Variants in AUTS2 observed in about 807,000 individuals in gnomAD.
The protein encoded by AUTS2 is activator of transcription and developmental regulator AUTS2, also known as autism susceptibility gene 2 protein.
A neutral mutation model predicts 112.4 loss-of-function variants in AUTS2; 17 were observed. The observed-to-expected ratio is 0.15, with a 90% confidence interval of 0.10 to 0.23. The LOEUF is 0.23. AUTS2 is among the 10% of genes least tolerant of loss of function. AUTS2 has a pLI of 1.00. For missense variants in AUTS2, 1,510 were observed against 1,701.6 expected, an observed-to-expected ratio of 0.89 and a Z score of 1.98; for synonymous variants, 751 against 702.7, an observed-to-expected ratio of 1.07 and a Z score of -1.09.
At chr7:69,710,180 A>G (rs972961423) in intron 1 of AUTS2, among the ~76,000 whole-genome samples, 25 of 152,194 alleles carry the variant, frequency 1.6e-4, no homozygotes, top group Admixed American at 6.5e-4. Context: ...TCTTGTATAT[A>G]CTTTACTTGT....
intron 1 of AUTS2, among the ~76,000 whole-genome samples, chr7:69,817,074 A>G (rs1219282325): frequency 6.6e-6 from 1 of 152,154 alleles, no homozygotes; most frequent in Non-Finnish European, 1.5e-5. Flanking sequence ...GACATAGCAA[A>G]TACTCCATAA....
chr7:70,237,554 C>G (rs1429463640), intron 4 of AUTS2, among the ~76,000 whole-genome samples: 1 of 152,188 alleles, frequency 6.6e-6, no homozygotes, highest in African/African-American at 2.4e-5. Flanking sequence ...GCTAAGCTTT[C>G]TAATACCTTC....
At chr7:70,608,310 G>T (rs1225581140) in intron 5 of AUTS2, among the ~76,000 whole-genome samples, 3 of 151,968 alleles carry the variant, frequency 2.0e-5, no homozygotes, top group African/African-American at 7.3e-5. Context: ...TCACTATGTT[G>T]CCCAGCCTGT....
chr7:70,419,957 A>C (rs1795147961), intron 4 of AUTS2, among the ~76,000 whole-genome samples: 1 of 152,132 alleles, frequency 6.6e-6, no homozygotes. Context: ...TGAGTCTCCA[A>C]GGGCTAGCTA....
chr7:69,995,594 A>G (rs10231798), intron 2 of AUTS2, among the ~76,000 whole-genome samples: 149,850 of 152,272 alleles, frequency 0.98, 73,742 homozygotes, highest in East Asian at 1. Context: ...TACTTTGTGT[A>G]CCCAGCAGTA....
intron 4 of AUTS2, among the ~76,000 whole-genome samples, chr7:70,374,322 G>A (rs971316305): frequency 4.6e-5 from 7 of 152,060 alleles, no homozygotes; most frequent in African/African-American, 9.7e-5. Flanking sequence ...TGAATTTTTT[G>A]CCTTGTGGGG....
intron 5 of AUTS2, among the ~76,000 whole-genome samples, chr7:70,538,849 A>G (rs10268257): frequency 0.066 from 9,975 of 152,236 alleles, 628 homozygotes; most frequent in African/African-American, 0.17. Flanking sequence ...GAACAGTTAT[A>G]TATTCTTTCC....
At chr7:70,050,761 A>C (rs1230289658) in intron 2 of AUTS2, among the ~76,000 whole-genome samples, 1 of 152,158 alleles carries the variant, frequency 6.6e-6, no homozygotes, top group Non-Finnish European at 1.5e-5. Flanking sequence ...TTAGGAGGCC[A>C]AGACGAATGG....
intron 5 of AUTS2, among the ~76,000 whole-genome samples, chr7:70,517,498 T>C (rs1056560827): frequency 1.3e-5 from 2 of 151,208 alleles, no homozygotes; most frequent in African/African-American, 4.9e-5. Flanking sequence ...GTTCAGTGTT[T>C]TGGGGCAAAT....
intron 2 of AUTS2, among the ~76,000 whole-genome samples, chr7:70,078,641 A>G (rs1803152064): frequency 6.6e-6 from 1 of 152,246 alleles, no homozygotes; most frequent in South Asian, 2.1e-4. Flanking sequence ...GAATAAAAGA[A>G]GGGCAAAGGT....
intron 4 of AUTS2, among the ~76,000 whole-genome samples, chr7:70,343,972 C>A (rs1650462335): frequency 6.6e-6 from 1 of 152,058 alleles, no homozygotes; most frequent in Admixed American, 6.6e-5. Flanking sequence ...GAAGCTACAT[C>A]CTCAATTCTG....
chr7:69,599,630 G>T lies in AUTS2; in HGVS notation c.-24G>T. On this transcript the variant is annotated 5_prime_UTR_variant, in exon 1 of 19. Transcript: ENST00000342771. The surrounding 1 kb of genome is among the most constrained non-coding windows in gnomAD (Gnocchi z 7.0). ...GGCCGTAGCCTGTGGCGGGCAAGCGGGGAGACCCCGGCGCAGCAGAACCAT... is the reference window on the plus strand; with the variant it reads ...GGCCGTAGCCTGTGGCGGGCAAGCGTGGAGACCCCGGCGCAGCAGAACCAT... 7.8e-7 allele frequency: 1 copy of T among 1,275,764 alleles called. No homozygotes were observed. The highest frequency in any genetic ancestry group is 3.1e-5 in the South Asian group (1 of 31,806). 79.0% of individuals were successfully genotyped at this position (1,275,764 alleles called of 1,614,324 possible). A position where few individuals can be genotyped will look rare whatever the true frequency, so the allele number is the denominator to read the frequency against.
At chr7:70,158,277 G>T (rs570616551) in intron 4 of AUTS2, among the ~76,000 whole-genome samples, 63 of 152,332 alleles carry the variant, frequency 4.1e-4, no homozygotes, top group Non-Finnish European at 8.1e-4. Flanking sequence ...TATTAGATGT[G>T]TGTGAGAGAT....
intron 2 of AUTS2, among the ~76,000 whole-genome samples, chr7:69,923,690 T>C (rs942132817): frequency 6.6e-6 from 1 of 152,228 alleles, no homozygotes; most frequent in Non-Finnish European, 1.5e-5. Context: ...TTTATTCCTA[T>C]GTGTTTCATA....
At chr7:69,633,326 C>T (rs1271304206) in intron 1 of AUTS2, among the ~76,000 whole-genome samples, 1 of 152,034 alleles carries the variant, frequency 6.6e-6, no homozygotes, top group Non-Finnish European at 1.5e-5. Context: ...CACACACACA[C>T]ACCCCCCACA....
chr7:70,716,450 A>G (rs1810368394), intron 6 of AUTS2, among the ~76,000 whole-genome samples: 2 of 151,812 alleles, frequency 1.3e-5, no homozygotes, highest in Non-Finnish European at 2.9e-5. Context: ...TGGCTAACAC[A>G]GTGAAACCCC....
At chr7:70,652,749 G>A (rs1210136539) in intron 5 of AUTS2, among the ~76,000 whole-genome samples, 1 of 151,920 alleles carries the variant, frequency 6.6e-6, no homozygotes, top group East Asian at 1.9e-4. Context: ...TGGTTTTATT[G>A]GTGTATTTTG....
intron 5 of AUTS2, among the ~76,000 whole-genome samples, chr7:70,492,708 ACTGT>A (rs1798299670): frequency 6.6e-6 from 1 of 152,162 alleles, no homozygotes; most frequent in Non-Finnish European, 1.5e-5. Context: ...ATAGAGAGTC[ACTGT>A]GAACTGCTGT....
chr7:69,823,897 A>G (rs1307378142), intron 1 of AUTS2, among the ~76,000 whole-genome samples: 1 of 152,184 alleles, frequency 6.6e-6, no homozygotes, highest in Non-Finnish European at 1.5e-5. Context: ...ACTTTGAGAG[A>G]AATTGAGAAT....
Sources: gnomAD v4.1 joint callset for allele counts (sites outside exome capture counted in the v4.1 genomes callset) on GRCh38, gnomAD v4.1.1 for gene constraint, Gnocchi (gnomAD v3.1) non-coding constraint, MANE v1.5 for transcripts, NCBI Gene and HGNC (gene_info 2026-07-23, HGNC 2026-07-21) for gene names.